Variants in ATE1 observed in about 807,000 individuals in gnomAD.
ATE1 encodes the protein arginyl-tRNA--protein transferase 1.
ATE1 carries 36 observed loss-of-function variants against 70.5 expected under a neutral mutation model. The observed-to-expected ratio is 0.51, with a 90% CI of 0.39 to 0.67. The LOEUF is 0.67. Among genes scored for constraint, ATE1 ranks in the 30% least tolerant of loss-of-function variants. The pLI is 0.00. For missense variants in ATE1, 593 were observed against 629.5 expected, an observed-to-expected ratio of 0.94 and a Z score of 0.62; for synonymous variants, 232 against 219.3, an observed-to-expected ratio of 1.06 and a Z score of -0.51.
intron 8 of ATE1, among the ~76,000 whole-genome samples, chr10:121,847,166 C>T (rs967258194): frequency 3.9e-5 from 6 of 152,080 alleles, no homozygotes; most frequent in Non-Finnish European, 8.8e-5. Context: ...AATAATCATG[C>T]GGCTGGGCAC....
chr10:121,758,097 GA>G (rs1334169979), intron 11 of ATE1, among the ~76,000 whole-genome samples: 5 of 152,306 alleles, frequency 3.3e-5, no homozygotes, highest in African/African-American at 1.2e-4. Flanking sequence ...CAAGAACAAA[GA>G]AGGTACTATA....
At chr10:121,754,750 A>G (rs994692474) in intron 11 of ATE1, among the ~76,000 whole-genome samples, 6 of 152,240 alleles carry the variant, frequency 3.9e-5, no homozygotes, top group African/African-American at 1.2e-4. Context: ...ATATTTACCA[A>G]TTACTTATTA....
intron 7 of ATE1, among the ~76,000 whole-genome samples, chr10:121,895,602 G>A (rs553277461): frequency 7.4e-5 from 11 of 149,544 alleles, no homozygotes; most frequent in Admixed American, 6.7e-4. Context: ...TGACAAGAGC[G>A]AAACTCCGGC....
intron 9 of ATE1, among the ~76,000 whole-genome samples, chr10:121,837,938 G>A (rs1053179870): frequency 3.3e-5 from 5 of 152,134 alleles, no homozygotes; most frequent in East Asian, 1.9e-4. Flanking sequence ...ACCTCTCTCC[G>A]GATTTGTTCT....
chr10:121,752,482 G>A (rs1305050600), intron 11 of ATE1, among the ~76,000 whole-genome samples: 1 of 151,934 alleles, frequency 6.6e-6, no homozygotes, highest in Non-Finnish European at 1.5e-5. Flanking sequence ...GCCTGCCCTA[G>A]CCTCCCAAAG....
At chr10:121,847,115 A>T (rs1358519894) in intron 8 of ATE1, among the ~76,000 whole-genome samples, 1 of 152,206 alleles carries the variant, frequency 6.6e-6, no homozygotes, top group South Asian at 2.1e-4. Context: ...TTAAAAATGT[A>T]AGCCTCAAGG....
intron 11 of ATE1, among the ~76,000 whole-genome samples, chr10:121,745,693 C>G (rs1312820016): frequency 3.9e-5 from 6 of 151,998 alleles, no homozygotes; most frequent in Non-Finnish European, 7.4e-5. Context: ...CATCACTGCA[C>G]TCCAGCCTGG....
intron 11 of ATE1, among the ~76,000 whole-genome samples, chr10:121,779,582 G>T (rs563415658): frequency 6.6e-6 from 1 of 152,084 alleles, no homozygotes; most frequent in African/African-American, 2.4e-5. Context: ...TCTTTCTCAT[G>T]CTACATTCCT....
At chr10:121,744,211 T>A (rs1470886103) in intron 11 of ATE1, among the ~76,000 whole-genome samples, 1 of 152,102 alleles carries the variant, frequency 6.6e-6, no homozygotes, top group Admixed American at 6.6e-5. Flanking sequence ...TTTGAGTCAC[T>A]GTACCCAGCC....
intron 7 of ATE1, among the ~76,000 whole-genome samples, chr10:121,888,817 C>A (rs1400040196): frequency 6.6e-6 from 1 of 152,136 alleles, no homozygotes; most frequent in African/African-American, 2.4e-5. Context: ...CAGTCTACTA[C>A]AACAGGCAAA....
In ATE1 at chr10:121,886,274, C is replaced by A. The variant is rs117444042; in HGVS notation, c.942+13592G>T. ...TTCTACAAAAAATAAAAAACAAAAA[C>A]CAAAAATACATTGATGATTTAAAAA... On this transcript the variant is annotated intron_variant, in intron 7 of 11. Coordinates refer to ENST00000224652, the MANE Select transcript of ATE1 (RefSeq NM_001001976.3). Among the ~76,000 whole-genome samples the A allele has an allele frequency of 9.8e-4, 146 of 148,480 alleles. 1 individual carries two copies. The East Asian group carries it at 0.026, about 26-fold the overall frequency.
At position 121,927,975 on chromosome 10, in the gene ATE1, C is replaced by T; in HGVS notation, c.-26G>A. 2 of 1,481,356 alleles carry T rather than the reference C, an allele frequency of 1.4e-6. No homozygotes were observed. Among genetic ancestry groups the T allele is most frequent in the Non-Finnish European group, 9.0e-7 (1 of 1,113,540 alleles). The allele number at this position is 1,481,356 out of a possible 1,614,324, so 91.8% of individuals were successfully genotyped here. ...GGCCTCGGCCCCGCGAACGCTCAGC[C>T]GCCCGGCCCCGCGTCGCTAGCGCGG... On this transcript the variant is annotated 5_prime_UTR_variant, in exon 1 of 12. Coordinates refer to ENST00000224652, the MANE Select transcript of ATE1 (RefSeq NM_001001976.3).
In ATE1 at chr10:121,743,828, C is replaced by G; in HGVS notation, c.1409G>C (p.Arg470Pro). The G allele has an allele frequency of 6.2e-7, 1 of 1,613,008 alleles. No homozygotes were observed. The highest frequency in any genetic ancestry group is 8.5e-7 in the Non-Finnish European group (1 of 1,179,678). The change falls in exon 12 of 12, where the codon CGA becomes CCA. Residue 470 changes from arginine (R) to proline (P), a missense_variant. Coordinates refer to ENST00000224652, the MANE Select transcript of ATE1 (RefSeq NM_001001976.3). ...GGCTCTCTTGTGAAACACCTGCAAT[C>G]GGTCAGGTTCCGTACTGCGATCCTC... ...VDEDRSTEPDRLQVFHKRAIM... is the reference protein window; with the variant it reads ...VDEDRSTEPDPLQVFHKRAIM...
intron 11 of ATE1, 42 bp from the exon 12 acceptor site, chr10:121,743,900 C>CA (rs774345023): frequency 1.3e-6 from 1 of 771,408 alleles, no homozygotes. Context: ...TGTCACATAT[C>CA]AAAACTTTTT....
At chr10:121,790,029 T>C (rs1441360342) in intron 11 of ATE1, 140 bp downstream of exon 11, 3 of 888,184 alleles carry the variant, frequency 3.4e-6, no homozygotes, top group Non-Finnish European at 4.9e-6. Flanking sequence ...TCCTCTATCT[T>C]ACACACACAC....
intron 10 of ATE1, among the ~76,000 whole-genome samples, chr10:121,798,245 G>A (rs1946735845): frequency 6.6e-6 from 1 of 152,156 alleles, no homozygotes; most frequent in South Asian, 2.1e-4. Flanking sequence ...GAATTACAAG[G>A]ACATAATCAA....
chr10:121,835,171 GT>G (rs35070487), intron 10 of ATE1, among the ~76,000 whole-genome samples: 6 of 152,144 alleles, frequency 3.9e-5, no homozygotes, highest in Non-Finnish European at 8.8e-5. Context: ...CATAAAGGAA[GT>G]TTTTGAAGAT....
At chr10:121,775,357 C>G (rs1346491297) in intron 11 of ATE1, among the ~76,000 whole-genome samples, 1 of 151,870 alleles carries the variant, frequency 6.6e-6, no homozygotes, top group African/African-American at 2.4e-5. Flanking sequence ...GGGCAAATAC[C>G]TAATGCATGT....
chr10:121,901,790 C>G (rs368622698), intron 6 of ATE1, among the ~76,000 whole-genome samples: 2 of 152,200 alleles, frequency 1.3e-5, no homozygotes, highest in East Asian at 3.9e-4. Context: ...GAAACTAATA[C>G]TGAGAAATCT....
Sources: gnomAD v4.1 joint callset for allele counts (sites outside exome capture counted in the v4.1 genomes callset) on GRCh38, gnomAD v4.1.1 for gene constraint, MANE v1.5 for transcripts, NCBI Gene and HGNC (gene_info 2026-07-23, HGNC 2026-07-21) for gene names.